Variants in TENM4 observed in about 807,000 individuals in gnomAD.
The protein encoded by TENM4 is teneurin-4.
A neutral mutation model predicts 243.3 loss-of-function variants in TENM4; 82 were observed. The ratio of observed to expected loss-of-function variants is 0.34; its 90% confidence interval spans 0.28 to 0.40. TENM4 has a LOEUF of 0.40. TENM4 is among the 10% of genes least tolerant of loss of function. The pLI, the probability that TENM4 is intolerant of heterozygous loss-of-function variation, is 1.00. For synonymous variants in TENM4, 1,412 were observed against 1,456.3 expected, an observed-to-expected ratio of 0.97 and a Z score of 0.69; for missense variants, 3,138 against 3,673.3, an observed-to-expected ratio of 0.85 and a Z score of 3.77.
chr11:79,367,990 G>C (rs1221676149), intron 1 of TENM4, among the ~76,000 whole-genome samples: 1 of 152,170 alleles, frequency 6.6e-6, no homozygotes, highest in Non-Finnish European at 1.5e-5. Flanking sequence ...GGTGGAGGCT[G>C]CTGTTTCTTT....
At chr11:79,124,787 GTA>G (rs1200347390) in intron 4 of TENM4, among the ~76,000 whole-genome samples, 1 of 141,272 alleles carries the variant, frequency 7.1e-6, no homozygotes, top group South Asian at 2.2e-4. Flanking sequence ...ATATATATGT[GTA>G]TATATATGTA....
At chr11:79,041,500 A>AAC (rs1046948124) in intron 6 of TENM4, among the ~76,000 whole-genome samples, 1 of 151,704 alleles carries the variant, frequency 6.6e-6, no homozygotes, top group Non-Finnish European at 1.5e-5. Flanking sequence ...CACTCAAAAA[A>AAC]AAAAAAAATC....
At chr11:79,138,331 T>TATATTATATATATATATATATATA (rs1862155858) in intron 4 of TENM4, among the ~76,000 whole-genome samples, 1 of 76,134 alleles carries the variant, frequency 1.3e-5, no homozygotes, top group Admixed American at 1.5e-4. Context: ...ATATATATAT[T>TATATTATATATATATATATATATA]ATATATATAA....
rs199701743 is a variant in TENM4 at position 78,927,227 on chromosome 11, C to T, written c.494-23704G>A. 8.5e-5 allele frequency among the ~76,000 whole-genome samples: 13 copies of T among 152,234 alleles called. No individual in the cohort carries two copies. The East Asian group carries it at 1.9e-3, about 23-fold the overall frequency. ...AAAATAGTTTGCTAGCTGCTGTGTG[C>T]CATTTTTTAACTGATATATTTTTGC... On this transcript the variant is annotated intron_variant, in intron 6 of 33. Transcript: ENST00000278550.
intron 16 of TENM4, among the ~76,000 whole-genome samples, chr11:78,782,247 T>G (rs1337112627): frequency 4.2e-5 from 2 of 47,074 alleles, no homozygotes; most frequent in Non-Finnish European, 1.0e-4. Context: ...TCACTTGAGG[T>G]CAGGAGTTGT....
chr11:78,817,453 C>G (rs1367456573), intron 12 of TENM4, among the ~76,000 whole-genome samples: 1 of 152,116 alleles, frequency 6.6e-6, no homozygotes, highest in Non-Finnish European at 1.5e-5. Context: ...CGTTTCAGGG[C>G]AAAATGGTCT....
chr11:79,394,207 G>T (rs977516363), intron 1 of TENM4, among the ~76,000 whole-genome samples: 6 of 152,242 alleles, frequency 3.9e-5, no homozygotes, highest in East Asian at 3.9e-4. Context: ...CCAGAGCAAG[G>T]GTGAGCTTCT....
At chr11:79,436,933 G>C (rs1238638892) in intron 1 of TENM4, among the ~76,000 whole-genome samples, 1 of 152,186 alleles carries the variant, frequency 6.6e-6, no homozygotes, top group Non-Finnish European at 1.5e-5. Flanking sequence ...GGAAATAAAA[G>C]CTTCCCCGAA....
At chr11:78,698,521 C>T (rs1009759058) in intron 28 of TENM4, among the ~76,000 whole-genome samples, 1 of 151,904 alleles carries the variant, frequency 6.6e-6, no homozygotes, top group African/African-American at 2.4e-5. Context: ...TAGAACATTT[C>T]GGTTATAATC....
chr11:78,783,339 G>A (rs146027782), intron 16 of TENM4, among the ~76,000 whole-genome samples: 166 of 152,298 alleles, frequency 1.1e-3, no homozygotes, highest in Non-Finnish European at 2.0e-3. Flanking sequence ...ATCTTAGCCT[G>A]ACTTCTGGAC....
rs1862203983 is a variant in TENM4, at chr11:79,139,103, ATATATATTATATTT to A, written c.-66+9593_-66+9606del. Among the ~76,000 whole-genome samples, 3 of 45,554 alleles carry A rather than the reference ATATATATTATATTT, an allele frequency of 6.6e-5. 1 individual carries two copies. Among genetic ancestry groups the A allele is most frequent in the African/African-American group, 1.3e-4 (1 of 7,854 alleles). The allele number at this position is 45,554 out of a possible 152,430, so 29.9% of individuals were successfully genotyped here. A position where few individuals can be genotyped will look rare whatever the true frequency, so the allele number is the denominator to read the frequency against. On this transcript the variant is annotated intron_variant, in intron 4 of 33. Coordinates refer to ENST00000278550, the MANE Select transcript of TENM4 (RefSeq NM_001098816.3). ...TATTATATTTCTATAAATATATAAAATATATATTATATTTCTATAAATATATATTATATTTCTAT... is the reference window on the plus strand; with the variant it reads ...TATTATATTTCTATAAATATATAAAACTATAAATATATATTATATTTCTAT...
At chr11:79,280,749 G>A (rs1450262948) in intron 2 of TENM4, among the ~76,000 whole-genome samples, 1 of 152,090 alleles carries the variant, frequency 6.6e-6, no homozygotes, top group Non-Finnish European at 1.5e-5. Context: ...TCTCTCCCAG[G>A]TTAAACTCCC....
chr11:78,783,031 T>C (rs1856868659), intron 16 of TENM4, among the ~76,000 whole-genome samples: 1 of 152,244 alleles, frequency 6.6e-6, no homozygotes, highest in Non-Finnish European at 1.5e-5. Context: ...ATTTTATTAA[T>C]GTAATCAGAA....
chr11:78,988,241 C>G (rs1393870434), intron 6 of TENM4, among the ~76,000 whole-genome samples: 5 of 152,146 alleles, frequency 3.3e-5, no homozygotes, highest in Non-Finnish European at 7.3e-5. Context: ...AAACTGAGGC[C>G]TCCTGCCAAC....
intron 1 of TENM4, among the ~76,000 whole-genome samples, chr11:79,316,793 G>A (rs34028589): frequency 6.6e-6 from 1 of 152,084 alleles, no homozygotes; most frequent in African/African-American, 2.4e-5. Context: ...AGATTTCTTA[G>A]GTTTCTCACT....
chr11:78,811,067 C>G (rs1466643713), intron 14 of TENM4, among the ~76,000 whole-genome samples: 1 of 152,226 alleles, frequency 6.6e-6, no homozygotes, highest in Non-Finnish European at 1.5e-5. Flanking sequence ...TACTATGTGT[C>G]AGACACTGAG....
At chr11:79,318,562 T>C (rs1317636683) in intron 1 of TENM4, among the ~76,000 whole-genome samples, 2 of 151,944 alleles carry the variant, frequency 1.3e-5, no homozygotes, top group African/African-American at 4.8e-5. Flanking sequence ...GTTGACGTCA[T>C]TGAAGGTGGA....
At chr11:79,281,086 G>A (rs564905512) in intron 2 of TENM4, among the ~76,000 whole-genome samples, 21 of 152,278 alleles carry the variant, frequency 1.4e-4, no homozygotes, top group Middle Eastern at 3.4e-3. Flanking sequence ...AAATGATGGC[G>A]TTACGCTCTG....
chr11:78,832,599 GAATA>G (rs1212596378), intron 12 of TENM4, among the ~76,000 whole-genome samples: 1 of 152,228 alleles, frequency 6.6e-6, no homozygotes, highest in East Asian at 1.9e-4. Context: ...GAGGAATTTG[GAATA>G]AAAATAATAT....
Sources: gnomAD v4.1 joint callset for allele counts (sites outside exome capture counted in the v4.1 genomes callset) on GRCh38, gnomAD v4.1.1 for gene constraint, MANE v1.5 for transcripts, NCBI Gene and HGNC (gene_info 2026-07-23, HGNC 2026-07-21) for gene names.